APPBP2: variants seen among roughly 807,000 people sequenced by gnomAD.
APPBP2 encodes the protein amyloid beta precursor protein binding protein 2, also known as amyloid protein-binding protein 2.
APPBP2 carries 15 observed loss-of-function variants against 76.0 expected under a neutral mutation model. The ratio of observed to expected loss-of-function variants is 0.20; its 90% CI spans 0.13 to 0.30. The LOEUF (loss-of-function observed/expected upper bound fraction) is 0.30, where lower values mean the gene tolerates loss of function less well. Ranked by LOEUF, APPBP2 falls within the 10% of genes least tolerant of loss-of-function variation. The pLI is 1.00. For synonymous variants in APPBP2, 222 were observed against 242.2 expected (o/e 0.92, Z 0.77); for missense variants, 401 against 687.2 (o/e 0.58, Z 4.66).
chr17:60,451,627 T>C (rs1390511389), intron 12 of APPBP2, among the ~76,000 whole-genome samples: 2 of 151,942 alleles, frequency 1.3e-5, no homozygotes, highest in Non-Finnish European at 2.9e-5. Context: ...ACATGCACCA[T>C]CATGCCCAGC....
intron 3 of APPBP2, among the ~76,000 whole-genome samples, chr17:60,493,428 ATTAAACAATATTT>A (rs1371153161): frequency 1.3e-5 from 2 of 152,208 alleles, no homozygotes; most frequent in Non-Finnish European, 2.9e-5. Context: ...GTATACATAC[ATTAAACAATATTT>A]TTCTACATGT....
At chr17:60,453,765 C>G (rs2090413530) in intron 11 of APPBP2, among the ~76,000 whole-genome samples, 1 of 152,116 alleles carries the variant, frequency 6.6e-6, no homozygotes, top group Non-Finnish European at 1.5e-5. Context: ...TCTTCAACTC[C>G]TGGCCTCAGG....
At chr17:60,484,834 T>C (rs1201828666) in intron 3 of APPBP2, among the ~76,000 whole-genome samples, 1 of 152,174 alleles carries the variant, frequency 6.6e-6, no homozygotes, top group Non-Finnish European at 1.5e-5. Flanking sequence ...TTCCAGTTTT[T>C]GCCCATTCAG....
chr17:60,472,404 A>G lies in APPBP2; in HGVS notation c.504-5945T>C, dbSNP rs141716332. On this transcript the variant is annotated intron_variant, in intron 4 of 12. Coordinates refer to ENST00000083182, the MANE Select transcript of APPBP2 (RefSeq NM_006380.5). ...ATTTAGGTAAATTGTCCATTTCTAA[A>G]AAATTTGTCCATTTTATTTATGTTA... Among the ~76,000 whole-genome samples, 267 of 152,314 alleles carry G rather than the reference A, an allele frequency of 1.8e-3. 2 individuals are homozygous for G. Among genetic ancestry groups the G allele is most frequent in the Non-Finnish European group, 3.0e-3 (207 of 68,032 alleles).
chr17:60,509,770 G>T (rs1187630320), intron 1 of APPBP2, among the ~76,000 whole-genome samples: 1 of 152,132 alleles, frequency 6.6e-6, no homozygotes, highest in African/African-American at 2.4e-5. Context: ...TTGCACTCCA[G>T]CCTGGGCAAC....
At chr17:60,483,657 T>C (rs983709426) in intron 3 of APPBP2, among the ~76,000 whole-genome samples, 1 of 152,216 alleles carries the variant, frequency 6.6e-6, no homozygotes, top group African/African-American at 2.4e-5. Flanking sequence ...CCTCCCAAAG[T>C]GCTAGGATTA....
chr17:60,465,463 A>T (rs8073450), intron 5 of APPBP2, among the ~76,000 whole-genome samples: 2,289 of 152,346 alleles, frequency 0.015, 49 homozygotes, highest in African/African-American at 0.051. Context: ...TATCACTAGA[A>T]GATTGAACTG....
chr17:60,486,811 T>A (rs1432428264), intron 3 of APPBP2, among the ~76,000 whole-genome samples: 1 of 152,232 alleles, frequency 6.6e-6, no homozygotes, highest in Non-Finnish European at 1.5e-5. Context: ...CAATTTTGCA[T>A]GTTTTTGCAG....
intron 5 of APPBP2, among the ~76,000 whole-genome samples, chr17:60,465,746 T>G (rs989341884): frequency 3.9e-5 from 6 of 152,098 alleles, no homozygotes; most frequent in Non-Finnish European, 7.4e-5. Context: ...AGGCAAATAT[T>G]TGGTTAAATT....
intron 6 of APPBP2, among the ~76,000 whole-genome samples, chr17:60,463,450 G>A (rs2090490112): frequency 1.3e-5 from 2 of 152,092 alleles, no homozygotes. Context: ...AGACCGGCCA[G>A]GGCAACATAG....
intron 9 of APPBP2, among the ~76,000 whole-genome samples, chr17:60,458,427 C>T (rs2090448026): frequency 6.7e-6 from 1 of 148,242 alleles, no homozygotes; most frequent in African/African-American, 2.6e-5. Flanking sequence ...GAGTGACAGA[C>T]TCTGTCTCAA....
chr17:60,474,855 T>C (rs1481619713), intron 4 of APPBP2, among the ~76,000 whole-genome samples: 1 of 152,166 alleles, frequency 6.6e-6, no homozygotes, highest in Non-Finnish European at 1.5e-5. Context: ...CCTACCACTG[T>C]TTTTATACTG....
chr17:60,468,991 G>T (rs1439888283), intron 4 of APPBP2, among the ~76,000 whole-genome samples: 1 of 152,122 alleles, frequency 6.6e-6, no homozygotes, highest in Admixed American at 6.6e-5. Flanking sequence ...CAGACATGAC[G>T]AAAGTAAAAT....
At chr17:60,520,175 A>G (rs1251264831) in intron 1 of APPBP2, among the ~76,000 whole-genome samples, 6 of 152,216 alleles carry the variant, frequency 3.9e-5, no homozygotes, top group Non-Finnish European at 7.3e-5. Flanking sequence ...AAAAGAAAAA[A>G]TTAACTCCGA....
chr17:60,454,109 C>A (rs1286900318), intron 11 of APPBP2, among the ~76,000 whole-genome samples, 193 bp downstream of exon 11: 1 of 152,088 alleles, frequency 6.6e-6, no homozygotes, highest in Non-Finnish European at 1.5e-5. Context: ...AGGACCCTCC[C>A]ATTTCAGCCT....
intron 12 of APPBP2, among the ~76,000 whole-genome samples, chr17:60,451,301 C>T (rs1382701313): frequency 6.6e-6 from 1 of 152,126 alleles, no homozygotes; most frequent in Non-Finnish European, 1.5e-5. Context: ...AAAATAACTA[C>T]TTTTGCCTAC....
In APPBP2 at chr17:60,525,786, G is replaced by A; in HGVS notation, c.138+8C>T. The A allele has an allele frequency of 6.2e-7, 1 of 1,613,796 alleles. No individual in the cohort carries two copies. The highest frequency in any genetic ancestry group is 8.5e-7 in the Non-Finnish European group (1 of 1,179,892). ...GAGGAGAGCAGAGAGGAGGCCCACG[G>A]CGCATACCTTGTAGTAAACATCAAA... On this transcript the variant is annotated splice_region_variant and intron_variant, in intron 1 of 12. Coordinates refer to ENST00000083182, the MANE Select transcript of APPBP2 (RefSeq NM_006380.5).
At chr17:60,504,710 A>G (rs866946251) in intron 1 of APPBP2, among the ~76,000 whole-genome samples, 1 of 152,178 alleles carries the variant, frequency 6.6e-6, no homozygotes, top group East Asian at 1.9e-4. Context: ...AAGCTGAGGC[A>G]TAAGAATTGC....
chr17:60,469,478 A>G (rs2090536112), intron 4 of APPBP2, among the ~76,000 whole-genome samples: 1 of 152,108 alleles, frequency 6.6e-6, no homozygotes, highest in African/African-American at 2.4e-5. Context: ...TAAGTATACA[A>G]TTCAGTGGCA....
Sources: gnomAD v4.1 joint callset for allele counts (sites outside exome capture counted in the v4.1 genomes callset) on GRCh38, gnomAD v4.1.1 for gene constraint, MANE v1.5 for transcripts, NCBI Gene and HGNC (gene_info 2026-07-23, HGNC 2026-07-21) for gene names.